Variants in KLF12 observed in about 807,000 individuals in gnomAD.
KLF12 encodes Krueppel-like factor 12.
A neutral mutation model predicts 37.8 loss-of-function variants in KLF12; 9 were observed. That is an observed-to-expected ratio of 0.24 (90% CI 0.14 to 0.42). The LOEUF (loss-of-function observed/expected upper bound fraction) is 0.42. Among genes scored for constraint, KLF12 ranks in the 10% least tolerant of loss-of-function variants. The pLI, the probability that KLF12 is intolerant of heterozygous loss-of-function variation, is 1.00. For synonymous variants in KLF12, 208 were observed against 202.1 expected (o/e 1.03, Z -0.25); for missense variants, 411 against 516.0 (o/e 0.80, Z 1.97).
chr13:73,932,213 A>T (rs1175208143), intron 3 of KLF12, among the ~76,000 whole-genome samples: 1 of 152,228 alleles, frequency 6.6e-6, no homozygotes, highest in Non-Finnish European at 1.5e-5. Context: ...AGTTAAAATC[A>T]GTCATAGAGA....
the KLF12 span, among the ~76,000 whole-genome samples, chr13:74,196,642 G>A: frequency 2.6e-5 from 4 of 152,174 alleles, no homozygotes; most frequent in African/African-American, 7.2e-5. Flanking sequence ...CACTGGCTTC[G>A]TTAGCCTGAG....
intron 1 of KLF12, among the ~76,000 whole-genome samples, chr13:74,052,805 G>A (rs933556733): frequency 6.6e-6 from 1 of 152,088 alleles, no homozygotes; most frequent in Non-Finnish European, 1.5e-5. Flanking sequence ...AAGTTGAAGG[G>A]CAACTGGCTC....
At chr13:73,884,717 A>G (rs956595958) in intron 3 of KLF12, among the ~76,000 whole-genome samples, 3 of 152,232 alleles carry the variant, frequency 2.0e-5, no homozygotes, top group Non-Finnish European at 4.4e-5. Flanking sequence ...ATATGACTGA[A>G]GAGTTTTTAA....
chr13:73,970,087 C>T (rs143886239), intron 2 of KLF12, among the ~76,000 whole-genome samples: 131 of 152,132 alleles, frequency 8.6e-4, no homozygotes, highest in Non-Finnish European at 1.4e-3. Flanking sequence ...ATAGCTGGTG[C>T]AATTTTGTAT....
chr13:74,125,031 C>A (rs1439426320), intron 1 of KLF12, among the ~76,000 whole-genome samples: 4 of 151,654 alleles, frequency 2.6e-5, no homozygotes, highest in Non-Finnish European at 5.9e-5. Context: ...CTGAGTCCCA[C>A]CTACTCGGAA....
chr13:74,085,215 C>T (rs149726137), intron 1 of KLF12, among the ~76,000 whole-genome samples: 1 of 152,278 alleles, frequency 6.6e-6, no homozygotes, highest in East Asian at 1.9e-4. Context: ...TACTGAAGAC[C>T]TTTAGATATT....
chr13:74,091,571 T>C (rs2138820567), intron 1 of KLF12, among the ~76,000 whole-genome samples: 1 of 152,330 alleles, frequency 6.6e-6, no homozygotes, highest in South Asian at 2.1e-4. Flanking sequence ...TCTTCATCCA[T>C]TTACCTACTG....
intron 2 of KLF12, among the ~76,000 whole-genome samples, chr13:73,981,239 C>T (rs1891681144): frequency 1.3e-5 from 2 of 152,106 alleles, no homozygotes; most frequent in Admixed American, 1.3e-4. Context: ...TTGAAAATTT[C>T]TCTACAATCC....
intron 4 of KLF12, among the ~76,000 whole-genome samples, chr13:73,814,766 T>C (rs1413576514): frequency 6.6e-6 from 1 of 151,832 alleles, no homozygotes; most frequent in Admixed American, 6.6e-5. Flanking sequence ...GGGCGGGGGA[T>C]AGGGAGGGTG....
At chr13:73,949,472 C>A (rs1029165835) in intron 2 of KLF12, among the ~76,000 whole-genome samples, 6 of 152,130 alleles carry the variant, frequency 3.9e-5, no homozygotes, top group Non-Finnish European at 7.4e-5. Flanking sequence ...ATTTTCTTAA[C>A]TTGATGAGAT....
intron 1 of KLF12, among the ~76,000 whole-genome samples, chr13:74,041,730 ACACC>A (rs1296005846): frequency 1.2e-4 from 17 of 144,246 alleles, no homozygotes; most frequent in Non-Finnish European, 3.0e-5. Flanking sequence ...ACACACACAC[ACACC>A]CCTTCAAAAC....
chr13:74,217,240 A>G, the KLF12 span, among the ~76,000 whole-genome samples: 1 of 152,144 alleles, frequency 6.6e-6, no homozygotes, highest in African/African-American at 2.4e-5. Context: ...AATTCCACAT[A>G]GAAATAAGAA....
At chr13:73,773,339 A>T (rs1000498321) in intron 5 of KLF12, among the ~76,000 whole-genome samples, 3 of 152,212 alleles carry the variant, frequency 2.0e-5, no homozygotes, top group Admixed American at 6.5e-5. Flanking sequence ...TTGGAGTTTC[A>T]TGACTCATTT....
At chr13:74,264,819 A>G in the KLF12 span, among the ~76,000 whole-genome samples, 1 of 152,242 alleles carries the variant, frequency 6.6e-6, no homozygotes, top group African/African-American at 2.4e-5. Flanking sequence ...TACCTAGGGG[A>G]GAATATGTCT....
intron 2 of KLF12, among the ~76,000 whole-genome samples, chr13:73,982,940 T>A (rs1398172017): frequency 6.6e-6 from 1 of 151,996 alleles, no homozygotes; most frequent in African/African-American, 2.4e-5. Flanking sequence ...AATCATACTC[T>A]TTAACACTTT....
At chr13:73,756,389 A>C (rs191841814) in intron 6 of KLF12, among the ~76,000 whole-genome samples, 1 of 152,242 alleles carries the variant, frequency 6.6e-6, no homozygotes, top group Non-Finnish European at 1.5e-5. Context: ...ATGAAGGTTC[A>C]AAGTGATTAA....
intron 4 of KLF12, among the ~76,000 whole-genome samples, chr13:73,822,557 C>T (rs1339535304): frequency 6.6e-6 from 1 of 152,046 alleles, no homozygotes; most frequent in African/African-American, 2.4e-5. Context: ...AAGTGAGACT[C>T]CATCTCTATT....
At chr13:73,754,803 G>A (rs1319352941) in intron 6 of KLF12, among the ~76,000 whole-genome samples, 1 of 152,108 alleles carries the variant, frequency 6.6e-6, no homozygotes, top group East Asian at 1.9e-4. Context: ...AAGTCACTTG[G>A]CTGCATTTCA....
chr13:74,162,291 A>C, the KLF12 span, among the ~76,000 whole-genome samples: 1 of 152,214 alleles, frequency 6.6e-6, no homozygotes, highest in Non-Finnish European at 1.5e-5. Context: ...CTCCTCATCA[A>C]ACATACGGAT....
Sources: gnomAD v4.1 joint callset for allele counts (sites outside exome capture counted in the v4.1 genomes callset) on GRCh38, gnomAD v4.1.1 for gene constraint, MANE v1.5 for transcripts, NCBI Gene and HGNC (gene_info 2026-07-23, HGNC 2026-07-21) for gene names.